The following PTPRU variants were observed in gnomAD, a reference collection of about 807,000 sequenced individuals.
PTPRU encodes receptor-type tyrosine-protein phosphatase U.
In PTPRU, 69 loss-of-function variants were observed where a neutral mutation model predicts 166.3. The ratio of observed to expected loss-of-function variants is 0.41; its 90% CI spans 0.34 to 0.51. The LOEUF (loss-of-function observed/expected upper bound fraction) is 0.51, where lower values mean the gene tolerates loss of function less well. PTPRU is among the 20% of genes least tolerant of loss of function. PTPRU has a pLI of 0.09. For missense variants in PTPRU, 1,657 were observed against 2,013.7 expected (o/e 0.82, Z 3.39); for synonymous variants, 793 against 814.0 (o/e 0.97, Z 0.44).
chr1:29,277,259 C>T (rs1574650576), intron 8 of PTPRU, among the ~76,000 whole-genome samples: 2 of 152,214 alleles, frequency 1.3e-5, no homozygotes, highest in East Asian at 3.9e-4. Flanking sequence ...CGCCACCACG[C>T]CTGGCTAATT....
chr1:29,264,138 C>T (rs7531192), intron 7 of PTPRU, among the ~76,000 whole-genome samples: 20,053 of 151,172 alleles, frequency 0.13, 2,330 homozygotes, highest in East Asian at 0.63. Context: ...GGTGCCACTG[C>T]ACTCCAGCCT....
intron 28 of PTPRU, among the ~76,000 whole-genome samples, chr1:29,324,147 T>G (rs1185571328): frequency 1.3e-5 from 2 of 152,168 alleles, no homozygotes; most frequent in Admixed American, 1.3e-4. Context: ...TGTGACTTTT[T>G]CCATCCATCC....
chr1:29,304,785 A>G lies in PTPRU; in HGVS notation c.2679A>G (p.Glu893=). 1 of 1,610,356 alleles carries G rather than the reference A, an allele frequency of 6.2e-7. No homozygotes were observed. The highest frequency in any genetic ancestry group is 8.5e-7 in the Non-Finnish European group (1 of 1,177,168). The change falls in exon 17 of 30, where the codon GAA becomes GAG. Residue 893 remains glutamate (E), a synonymous_variant. Coordinates refer to ENST00000373779, the MANE Select transcript of PTPRU (RefSeq NM_133178.4). ...GFKQEYESFF[E]GWDATKKKDK... Reference sequence around the variant, plus strand: ...TTTCTTTCTGGTAGAGCTTCTTTGAAGGCTGGGACGCCACAAAGAAGAAAG... The same window carrying G: ...TTTCTTTCTGGTAGAGCTTCTTTGAGGGCTGGGACGCCACAAAGAAGAAAG...
intron 1 of PTPRU, among the ~76,000 whole-genome samples, chr1:29,243,631 G>T (rs1684154412): frequency 6.6e-6 from 1 of 152,216 alleles, no homozygotes; most frequent in Non-Finnish European, 1.5e-5. Flanking sequence ...TGCAGTTGGT[G>T]AAATTTCTCC....
At chr1:29,249,128 C>G (rs896109239) in intron 1 of PTPRU, among the ~76,000 whole-genome samples, 4 of 152,030 alleles carry the variant, frequency 2.6e-5, no homozygotes, top group Non-Finnish European at 5.9e-5. Flanking sequence ...CCAGGCTGTC[C>G]TGTCATCTTA....
intron 11 of PTPRU, among the ~76,000 whole-genome samples, chr1:29,282,277 C>T (rs1320879661): frequency 9.2e-5 from 14 of 152,200 alleles, no homozygotes; most frequent in Admixed American, 9.2e-4. Flanking sequence ...CAGAAGGGAG[C>T]TTTCAGTAGC....
At chr1:29,255,500 C>T in intron 2 of PTPRU, 94 bp downstream of exon 2, 1 of 1,512,526 alleles carries the variant, frequency 6.6e-7, no homozygotes, top group Non-Finnish European at 9.1e-7. Context: ...TACTTAACCT[C>T]TCTGGGCCCC....
At chr1:29,273,762 G>A (rs535944518) in intron 7 of PTPRU, among the ~76,000 whole-genome samples, 11 of 152,214 alleles carry the variant, frequency 7.2e-5, no homozygotes, top group South Asian at 2.1e-4. Flanking sequence ...TCAAGAAACC[G>A]TAAAACATAA....
chr1:29,266,336 T>G (rs1274846001), intron 7 of PTPRU, among the ~76,000 whole-genome samples: 16 of 152,214 alleles, frequency 1.1e-4, no homozygotes, highest in Admixed American at 1.0e-3. Flanking sequence ...GTTTTACATT[T>G]TACATTTAAG....
In PTPRU at chr1:29,259,206, C is replaced by G. The variant is rs1169825912; in HGVS notation, c.478-55C>G. 12 of 1,548,904 alleles carry G rather than the reference C, an allele frequency of 7.7e-6. No homozygotes were observed. The South Asian group carries it at 1.0e-4, about 13-fold the overall frequency. ...AGGCCGAGCTGAAAGTGGGCACCTC[C>G]CCAGGCAAGGCTGGAGGAATATCAG... is the stretch of plus-strand genomic sequence containing the variant. On this transcript the variant is annotated intron_variant, in intron 3 of 29. Transcript: ENST00000373779.
intron 14 of PTPRU, among the ~76,000 whole-genome samples, chr1:29,290,215 C>T (rs1221849369): frequency 3.3e-5 from 5 of 152,346 alleles, no homozygotes; most frequent in African/African-American, 4.8e-5. Flanking sequence ...GTCCCTTCTC[C>T]AGCCAGGCAG....
rs754075527 is a variant in PTPRU, at chr1:29,291,894, AC to A, written c.2346del (p.Val783SerfsTer10). On this transcript the variant is annotated frameshift_variant, in exon 15 of 30. Transcript: ENST00000373779. LOFTEE classifies it high-confidence loss of function. This position sits in a 1 kb window ranked among gnomAD's most constrained non-coding sequence, Gnocchi z 4.1. ...KGKPVNMTKA[T>X]VNYRQEKTHM... Reference sequence around the variant, plus strand: ...GAAGCCGGTGAACATGACCAAGGCCACCGTCAACTACCGCCAGGAGAAGACA... The same window carrying A: ...GAAGCCGGTGAACATGACCAAGGCCACGTCAACTACCGCCAGGAGAAGACA... The A allele has an allele frequency of 1.7e-5, 28 of 1,613,976 alleles. No homozygotes were observed. Among genetic ancestry groups the A allele is most frequent in the Non-Finnish European group, 2.3e-5 (27 of 1,180,002 alleles).
intron 28 of PTPRU, 81 bp from the exon 29 acceptor site, chr1:29,325,110 C>CCCT: frequency 6.4e-7 from 1 of 1,562,384 alleles, no homozygotes; most frequent in Non-Finnish European, 8.8e-7. Context: ...GGCTCTCTGC[C>CCCT]CCTCCCTCGT....
At chr1:29,321,527 C>T (rs187587444) in intron 26 of PTPRU, among the ~76,000 whole-genome samples, 39 of 152,360 alleles carry the variant, frequency 2.6e-4, no homozygotes, top group Admixed American at 2.2e-3. Flanking sequence ...CCTCAGCTGC[C>T]TCATTCCAGA....
intron 8 of PTPRU, among the ~76,000 whole-genome samples, chr1:29,276,538 G>A (rs1341871177): frequency 1.3e-5 from 2 of 151,984 alleles, no homozygotes; most frequent in African/African-American, 4.8e-5. Flanking sequence ...GGCTGGTCTC[G>A]AACTCCTGGG....
chr1:29,264,537 C>T (rs192593605), intron 7 of PTPRU, among the ~76,000 whole-genome samples: 1 of 151,020 alleles, frequency 6.6e-6, no homozygotes, highest in Non-Finnish European at 1.5e-5. Flanking sequence ...CAGAGTTTCA[C>T]CCTTGTCGCC....
intron 1 of PTPRU, among the ~76,000 whole-genome samples, chr1:29,252,646 A>G (rs1181014524): frequency 1.3e-5 from 2 of 152,164 alleles, no homozygotes; most frequent in Non-Finnish European, 2.9e-5. Flanking sequence ...GAAACAGTAG[A>G]GCCTCCTAAA....
chr1:29,317,645 A>T lies in PTPRU; in HGVS notation c.3514-103A>T, dbSNP rs1024969024. 117 of 1,305,626 alleles carry T rather than the reference A, an allele frequency of 9.0e-5. No individual in the cohort carries two copies. The highest frequency in any genetic ancestry group is 1.2e-4 in the Non-Finnish European group (112 of 953,116). 80.9% of individuals were successfully genotyped at this position (1,305,626 alleles called of 1,614,324 possible). On this transcript the variant is annotated intron_variant, in intron 24 of 29. Transcript: ENST00000373779. The surrounding 1 kb of genome is among the most constrained non-coding windows in gnomAD (Gnocchi z 5.6). ...TCTCTGGACCTCAGTTTCTCCATCC[A>T]TAAAATGGGATTAGTAACTCAGTCC...
chr1:29,320,740 C>T lies in PTPRU; in HGVS notation c.3743C>T (p.Thr1248Met), dbSNP rs368921599. 2.4e-5 allele frequency: 39 copies of T among 1,608,906 alleles called. No homozygotes were observed. The highest frequency in any genetic ancestry group is 1.1e-4 in the East Asian group (5 of 44,682). Reference protein sequence around the residue: ...IVTLHPLQSTTPDFWRLVYDY... With the variant: ...IVTLHPLQSTMPDFWRLVYDY... The stretch of plus-strand genomic sequence containing the variant: ...ACCCTGCACCCGCTGCAGAGCACCA[C>T]GCCCGACTTCTGGCGGCTGGTCTAC... The change falls in exon 26 of 30, where the codon ACG becomes ATG. Residue 1248 changes from threonine to methionine, a missense_variant. By Grantham distance (81) the Thr-to-Met change is moderately conservative. Coordinates refer to ENST00000373779, the MANE Select transcript of PTPRU (RefSeq NM_133178.4). The surrounding 1 kb of genome is among the most constrained non-coding windows in gnomAD (Gnocchi z 5.2).
Sources: allele counts gnomAD v4.1 joint callset (sites outside exome capture counted in the v4.1 genomes callset), GRCh38; gene constraint gnomAD v4.1.1; non-coding constraint Gnocchi (gnomAD v3.1); transcripts MANE v1.5; gene names NCBI Gene and HGNC (gene_info 2026-07-23, HGNC 2026-07-21).